The following TENM3 variants were observed in gnomAD, a reference collection of about 807,000 sequenced individuals.
TENM3 encodes teneurin transmembrane protein 3.
Under a neutral mutation model 255.1 loss-of-function variants are expected in TENM3, and 63 were observed. The observed-to-expected ratio is 0.25, with a 90% CI of 0.20 to 0.30. The LOEUF is 0.30. Among genes scored for constraint, TENM3 ranks in the 10% least tolerant of loss-of-function variants. The probability of loss-of-function intolerance (pLI) is 1.00; values close to 1 mark genes in which losing one functional copy is unlikely to be tolerated. For synonymous variants in TENM3, 1,306 were observed against 1,322.3 expected (o/e 0.99, Z 0.27); for missense variants, 2,929 against 3,461.1 (o/e 0.85, Z 3.86).
At chr4:181,832,411 C>T in the TENM3 span, among the ~76,000 whole-genome samples, 1 of 152,108 alleles carries the variant, frequency 6.6e-6, no homozygotes, top group African/African-American at 2.4e-5. Flanking sequence ...TAGCTTAAAG[C>T]ATAAGAAAAC....
At chr4:182,096,184 A>G in the TENM3 span, among the ~76,000 whole-genome samples, 1 of 152,168 alleles carries the variant, frequency 6.6e-6, no homozygotes, top group Admixed American at 6.5e-5. Flanking sequence ...GTAATATCAA[A>G]GAAGCTATCA....
At chr4:181,770,697 A>AAAG in the TENM3 span, among the ~76,000 whole-genome samples, 1 of 139,614 alleles carries the variant, frequency 7.2e-6, no homozygotes, top group African/African-American at 2.7e-5. Flanking sequence ...AAAAAAAAAA[A>AAAG]GAGTGAGGAA....
the TENM3 span, among the ~76,000 whole-genome samples, chr4:181,684,025 T>C: frequency 1.3e-5 from 2 of 152,154 alleles, no homozygotes; most frequent in Non-Finnish European, 2.9e-5. Context: ...ATAGTAGTTA[T>C]TATTGTAGGT....
intron 3 of TENM3, among the ~76,000 whole-genome samples, chr4:182,422,564 G>T (rs186981325): frequency 2.6e-5 from 4 of 152,278 alleles, no homozygotes; most frequent in African/African-American, 9.6e-5. Context: ...AAGGTCCCAA[G>T]AAACCAATTT....
the TENM3 span, among the ~76,000 whole-genome samples, chr4:181,859,849 A>G: frequency 6.6e-6 from 1 of 152,170 alleles, no homozygotes; most frequent in African/African-American, 2.4e-5. Context: ...GAAAAAAAAA[A>G]CACCTGTTGG....
chr4:182,032,141 G>A, the TENM3 span, among the ~76,000 whole-genome samples: 22 of 152,234 alleles, frequency 1.4e-4, no homozygotes, highest in Non-Finnish European at 2.1e-4. Flanking sequence ...GTTTTCAAGT[G>A]GAATGCTTCC....
At chr4:182,436,627 G>A (rs1172800197) in intron 3 of TENM3, among the ~76,000 whole-genome samples, 5 of 152,176 alleles carry the variant, frequency 3.3e-5, no homozygotes, top group African/African-American at 1.2e-4. Context: ...ACATGATATG[G>A]CTGTGGTTAG....
At chr4:182,555,842 T>A (rs1742528863) in intron 3 of TENM3, among the ~76,000 whole-genome samples, 1 of 152,280 alleles carries the variant, frequency 6.6e-6, no homozygotes, top group South Asian at 2.1e-4. Flanking sequence ...ACTTTTTTTT[T>A]TTCTACGAAC....
the TENM3 span, among the ~76,000 whole-genome samples, chr4:181,633,964 C>T: frequency 6.6e-6 from 1 of 152,144 alleles, no homozygotes; most frequent in African/African-American, 2.4e-5. Flanking sequence ...GGAAGAAGAT[C>T]TCCTCTTTCA....
intron 6 of TENM3, among the ~76,000 whole-genome samples, chr4:182,658,796 G>A (rs890777983): frequency 6.6e-6 from 1 of 152,198 alleles, no homozygotes; most frequent in African/African-American, 2.4e-5. Flanking sequence ...TGGAAGTCCA[G>A]GGTAGCTCAC....
At chr4:181,934,334 T>A in the TENM3 span, among the ~76,000 whole-genome samples, 1 of 152,218 alleles carries the variant, frequency 6.6e-6, no homozygotes, top group Non-Finnish European at 1.5e-5. Flanking sequence ...CTGAAGTAAT[T>A]GCTTCTTGCT....
At chr4:181,586,672 T>C in the TENM3 span, among the ~76,000 whole-genome samples, 1 of 151,962 alleles carries the variant, frequency 6.6e-6, no homozygotes, top group Non-Finnish European at 1.5e-5. Flanking sequence ...AAACCCTGTC[T>C]CTAGCAAAAA....
chr4:182,515,090 C>T (rs1349860150), intron 3 of TENM3, among the ~76,000 whole-genome samples: 1 of 152,124 alleles, frequency 6.6e-6, no homozygotes, highest in African/African-American at 2.4e-5. Context: ...ATCATTTAAG[C>T]CGTCACTGAT....
the TENM3 span, among the ~76,000 whole-genome samples, chr4:181,578,071 A>T: frequency 6.6e-6 from 1 of 151,952 alleles, no homozygotes; most frequent in African/African-American, 2.4e-5. Flanking sequence ...GTGGCCAGGG[A>T]CCCTCCAGCT....
chr4:182,575,665 A>G (rs1744844731), intron 3 of TENM3, among the ~76,000 whole-genome samples: 1 of 152,226 alleles, frequency 6.6e-6, no homozygotes, highest in African/African-American at 2.4e-5. Context: ...ATTTATACAT[A>G]AAGAATAACA....
chr4:181,794,263 C>A, the TENM3 span, among the ~76,000 whole-genome samples: 1 of 152,096 alleles, frequency 6.6e-6, no homozygotes, highest in Non-Finnish European at 1.5e-5. Context: ...ACATAGTTAT[C>A]CTTGTGATTG....
chr4:181,742,503 C>T, the TENM3 span, among the ~76,000 whole-genome samples: 19 of 152,064 alleles, frequency 1.2e-4, no homozygotes, highest in African/African-American at 4.6e-4. Flanking sequence ...TTAAAAAAGA[C>T]TTTCTGGTTC....
chr4:181,474,162 T>C, the TENM3 span, among the ~76,000 whole-genome samples: 7 of 151,352 alleles, frequency 4.6e-5, no homozygotes, highest in Non-Finnish European at 8.8e-5. Flanking sequence ...CCAGGGCCTG[T>C]AGGGGGATGG....
intron 1 of TENM3, among the ~76,000 whole-genome samples, chr4:182,161,690 A>ATATGTATATATATAC (rs1751233157): frequency 9.7e-6 from 1 of 103,624 alleles, no homozygotes; most frequent in African/African-American, 3.9e-5. Flanking sequence ...TATATACACA[A>ATATGTATATATATAC]ATATATATGT....
Sources: allele counts gnomAD v4.1 joint callset (sites outside exome capture counted in the v4.1 genomes callset), GRCh38; gene constraint gnomAD v4.1.1; transcripts MANE v1.5; gene names NCBI Gene and HGNC (gene_info 2026-07-23, HGNC 2026-07-21).